The following SETD1B variants were observed in gnomAD, a reference collection of about 807,000 sequenced individuals.
The protein encoded by SETD1B is histone-lysine N-methyltransferase SETD1B.
Under a neutral mutation model 148.0 loss-of-function variants are expected in SETD1B, and 7 were observed. The observed-to-expected ratio is 0.05, with a 90% CI of 0.03 to 0.09. The LOEUF (loss-of-function observed/expected upper bound fraction) is 0.09, where lower values mean the gene tolerates loss of function less well. Ranked by LOEUF, SETD1B falls within the 10% of genes least tolerant of loss-of-function variation. SETD1B has a pLI of 1.00. For synonymous variants in SETD1B, 1,361 were observed against 1,186.5 expected (o/e 1.15, Z -3.02); for missense variants, 2,155 against 2,729.9 (o/e 0.79, Z 4.69).
chr12:121,793,359 T>C, the SETD1B span: 1 of 1,430,286 alleles, frequency 7.0e-7, no homozygotes, highest in African/African-American at 1.4e-5. Flanking sequence ...CCCGCTGGGC[T>C]CTGGAATTCC....
intron 13 of SETD1B, among the ~76,000 whole-genome samples, chr12:121,827,015 C>T (rs960761691): frequency 9.2e-5 from 14 of 151,870 alleles, no homozygotes; most frequent in African/African-American, 2.7e-4. Context: ...ATCTCCGGCC[C>T]GGGGACCTAA....
chr12:121,790,673 C>T, the SETD1B span, among the ~76,000 whole-genome samples: 1 of 152,274 alleles, frequency 6.6e-6, no homozygotes, highest in Non-Finnish European at 1.5e-5. Flanking sequence ...GGGTGCCCCT[C>T]CTTGGGGTCT....
In SETD1B at chr12:121,828,298, T is replaced by G. The variant is rs112820849; in HGVS notation, c.5727+228T>G. Among the ~76,000 whole-genome samples, 63 of 152,382 alleles carry G rather than the reference T, an allele frequency of 4.1e-4. 2 individuals are homozygous for G. Among genetic ancestry groups the G allele is most frequent in the African/African-American group, 1.5e-3 (63 of 41,606 alleles). On this transcript the variant is annotated intron_variant, in intron 16 of 16. Coordinates refer to ENST00000604567, the MANE Select transcript of SETD1B (RefSeq NM_001353345.2). ...TCAAATGGGCATAGTGAGACTTCTG[T>G]GGCATTTAGAGGACTCAAAGAAGTG...
intron 7 of SETD1B, among the ~76,000 whole-genome samples, chr12:121,815,699 CAG>C (rs926192360): frequency 2.0e-5 from 3 of 152,032 alleles, no homozygotes; most frequent in Non-Finnish European, 2.9e-5. Context: ...TCTGTAAAGA[CAG>C]AGTTTCACCA....
chr12:121,813,709 C>T (rs1276234952), intron 6 of SETD1B, among the ~76,000 whole-genome samples: 1 of 152,164 alleles, frequency 6.6e-6, no homozygotes, highest in Non-Finnish European at 1.5e-5. Context: ...CCTCTGTGCC[C>T]CACCCGTCTC....
At chr12:121,814,073 T>A (rs1876162704) in intron 6 of SETD1B, 33 bp from the exon 7 acceptor site, 1 of 1,521,756 alleles carries the variant, frequency 6.6e-7, no homozygotes, top group African/African-American at 1.4e-5. Flanking sequence ...CCTTCCAGAC[T>A]CACCTCACTG....
In SETD1B at chr12:121,814,304, C is replaced by T; in HGVS notation, c.2089C>T (p.Pro697Ser). 8.2e-7 allele frequency: 1 copy of T among 1,219,458 alleles called. No individual in the cohort carries two copies. Among genetic ancestry groups the T allele is most frequent in the Non-Finnish European group, 1.1e-6 (1 of 896,744 alleles). The allele number at this position is 1,219,458 out of a possible 1,614,324, so 75.5% of individuals were successfully genotyped here. A position where few individuals can be genotyped will look rare whatever the true frequency, so the allele number is the denominator to read the frequency against. The change falls in exon 7 of 17, where the codon CCC becomes TCC. Residue 697 changes from proline to serine, a missense_variant. By Grantham distance (74) the Pro-to-Ser change is moderately conservative. Transcript: ENST00000604567. The stretch of plus-strand genomic sequence containing the variant: ...CCCGCTGCCCCCCCCACCACCACCA[C>T]CCCCACCGCAGCCTGGCTTCCCCAT... ...FPPLPPPPPP[P>S]PPQPGFPMPP...
the SETD1B span, among the ~76,000 whole-genome samples, chr12:121,790,719 T>C: frequency 3.9e-5 from 6 of 152,182 alleles, no homozygotes; most frequent in African/African-American, 1.4e-4. Flanking sequence ...CCCTGAGCCC[T>C]GCTTCTCTGC....
chr12:121,802,814 G>C (rs1412796420), upstream of SETD1B: 4 of 152,230 alleles, frequency 2.6e-5, no homozygotes, highest in African/African-American at 9.7e-5. Flanking sequence ...ACACTGAGAC[G>C]TCCTGAACTG....
intron 6 of SETD1B, among the ~76,000 whole-genome samples, chr12:121,811,515 C>T (rs1378699645): frequency 6.6e-6 from 1 of 152,204 alleles, no homozygotes; most frequent in African/African-American, 2.4e-5. Context: ...CATGGGGTCT[C>T]GTTGCCTAAA....
chr12:121,817,801 TGAC>T lies in SETD1B; in HGVS notation c.3321_3323del (p.Asp1110del). On this transcript the variant is annotated inframe_deletion, in exon 10 of 17. Transcript: ENST00000604567. The surrounding 1 kb of genome is among the most constrained non-coding windows in gnomAD (Gnocchi z 8.1). The stretch of plus-strand genomic sequence containing the variant: ...CCCCACTCTTCCTTCTCCCCCAGGA[TGAC>T]GACGATGACGACAGTGATGACCGGG... The T allele has an allele frequency of 6.5e-7, 1 of 1,549,372 alleles. No individual in the cohort carries two copies. The highest frequency in any genetic ancestry group is 8.7e-7 in the Non-Finnish European group (1 of 1,145,756).
chr12:121,812,860 C>G (rs1263137846), intron 6 of SETD1B, among the ~76,000 whole-genome samples: 1 of 152,100 alleles, frequency 6.6e-6, no homozygotes, highest in Admixed American at 6.5e-5. Context: ...GTCCTCCTAC[C>G]CCGCTACCTG....
intron 6 of SETD1B, among the ~76,000 whole-genome samples, chr12:121,813,843 A>G (rs1876153254): frequency 6.6e-6 from 1 of 152,132 alleles, no homozygotes; most frequent in African/African-American, 2.4e-5. Flanking sequence ...TGTCCCCAGC[A>G]CCTAGACCAG....
chr12:121,816,893 G>A (rs1169999401), intron 7 of SETD1B, 140 bp from the exon 8 acceptor site: 1 of 732,898 alleles, frequency 1.4e-6, no homozygotes, highest in Non-Finnish European at 2.2e-6. Flanking sequence ...GCATAGTGTG[G>A]CCAGGTGTGT....
the SETD1B span, chr12:121,793,674 T>C: frequency 1.3e-6 from 2 of 1,484,626 alleles, no homozygotes; most frequent in Non-Finnish European, 1.8e-6. Context: ...CGCCGGGCAC[T>C]AGCGGAGCCA....
Position 121,804,713 on chromosome 12 carries a change from C to CT in SETD1B, c.-14-10dup. On this transcript the variant is annotated splice_polypyrimidine_tract_variant and intron_variant, in intron 1 of 16. Transcript: ENST00000604567. The surrounding 1 kb of genome is among the most constrained non-coding windows in gnomAD (Gnocchi z 4.6). The stretch of plus-strand genomic sequence containing the variant: ...CCGCGGCGGAGACGACAACAACTTG[C>CT]TGGTTTTCAGGTTGGGTTAACGGCA... The CT allele has an allele frequency of 6.5e-7, 1 of 1,546,390 alleles. No homozygotes were observed.
Position 121,808,147 on chromosome 12 carries a change from C to A in SETD1B, c.545-61C>A. 1.5e-6 allele frequency: 2 copies of A among 1,365,024 alleles called. No individual in the cohort carries two copies. The highest frequency in any genetic ancestry group is 1.0e-6 in the Non-Finnish European group (1 of 985,834). 84.6% of individuals were successfully genotyped at this position (1,365,024 alleles called of 1,614,324 possible). ...CCAGGGTGCCACACAGGTTGGAATC[C>A]TTGTGGGGGCTGCCCCATCCTGGAA... On this transcript the variant is annotated intron_variant, in intron 4 of 16. Coordinates refer to ENST00000604567, the MANE Select transcript of SETD1B (RefSeq NM_001353345.2). The surrounding 1 kb of genome is among the most constrained non-coding windows in gnomAD (Gnocchi z 5.3).
the SETD1B span, among the ~76,000 whole-genome samples, chr12:121,791,969 C>G: frequency 6.6e-6 from 1 of 152,266 alleles, no homozygotes; most frequent in Admixed American, 6.5e-5. Flanking sequence ...GGGAATTCCT[C>G]TGATGCCTCA....
intron 12 of SETD1B, among the ~76,000 whole-genome samples, chr12:121,824,403 A>G (rs1238515507): frequency 6.6e-6 from 1 of 152,134 alleles, no homozygotes; most frequent in Admixed American, 6.6e-5. Flanking sequence ...TCCCAGCACT[A>G]TGGGAGGCTG....
Sources: gnomAD v4.1 joint callset for allele counts (sites outside exome capture counted in the v4.1 genomes callset) on GRCh38, gnomAD v4.1.1 for gene constraint, Gnocchi (gnomAD v3.1) non-coding constraint, MANE v1.5 for transcripts, NCBI Gene and HGNC (gene_info 2026-07-23, HGNC 2026-07-21) for gene names.